The following CCDC66 variants were observed in gnomAD, a reference collection of about 807,000 sequenced individuals.
The protein encoded by CCDC66 is coiled-coil domain containing 66, also known as coiled-coil domain-containing protein 66.
A neutral mutation model predicts 128.3 loss-of-function variants in CCDC66; 133 were observed. The ratio of observed to expected loss-of-function variants is 1.04; its 90% CI spans 0.90 to 1.20. CCDC66 has a LOEUF of 1.20. Ranked by LOEUF, CCDC66 falls within the 50% of genes most tolerant of loss-of-function variation. CCDC66 has a pLI of 0.00. For synonymous variants in CCDC66, 387 were observed against 357.0 expected (o/e 1.08, Z -0.95); for missense variants, 1,126 against 1,075.5 (o/e 1.05, Z -0.66).
chr3:56,563,609 A>G, intron 3 of CCDC66, 75 bp from the exon 4 acceptor site: 2 of 1,220,828 alleles, frequency 1.6e-6, no homozygotes, highest in South Asian at 3.2e-5. Flanking sequence ...GGACTGATTT[A>G]TCACAGATCA....
intron 7 of CCDC66, chr3:56,572,574 A>G (rs201176465): frequency 9.5e-5 from 2 of 21,062 alleles, no homozygotes; most frequent in Non-Finnish European, 3.5e-4. Flanking sequence ...TTCATTTGCT[A>G]TCCCTTCCTC....
chr3:56,609,117 G>C (rs1011017940), intron 10 of CCDC66, among the ~76,000 whole-genome samples: 5 of 152,086 alleles, frequency 3.3e-5, no homozygotes, highest in Non-Finnish European at 5.9e-5. Flanking sequence ...ATATCTGTTA[G>C]GTCCATTTGT....
In CCDC66 at chr3:56,563,798, G is replaced by A. The variant is rs2065438963; in HGVS notation, c.217G>A (p.Val73Ile). The A allele has an allele frequency of 1.3e-6, 2 of 1,552,768 alleles. No homozygotes were observed. Among genetic ancestry groups the A allele is most frequent in the Middle Eastern group, 1.7e-4 (1 of 5,990 alleles). Reference sequence around the variant, plus strand: ...TGAAAAACTTTTGCAAAAGAAGCCAGTTGGTTCAGAAACATCACAGGCAAA... The same window carrying A: ...TGAAAAACTTTTGCAAAAGAAGCCAATTGGTTCAGAAACATCACAGGCAAA... ...GSEKLLQKKP[V>I]GSETSQAKGE... The change falls in exon 4 of 18, where the codon GTT becomes ATT. Residue 73 changes from valine to isoleucine, a missense_variant. Coordinates refer to ENST00000394672, the MANE Select transcript of CCDC66 (RefSeq NM_001141947.3).
In CCDC66 at chr3:56,563,942, A is replaced by G. The variant is rs549563140; in HGVS notation, c.361A>G (p.Thr121Ala). 25 of 1,613,960 alleles carry G rather than the reference A, an allele frequency of 1.5e-5. No individual in the cohort carries two copies. In the East Asian group the frequency reaches 5.4e-4, roughly 35 times the overall value. The change falls in exon 4 of 18, where the codon ACT (threonine) becomes GCT (alanine). Residue 121 changes from threonine (T) to alanine (A), a missense_variant. Thr to Ala is a moderately conservative substitution (Grantham distance 58). Transcript: ENST00000394672. ...ISPATPNMQK[T>A]RNTVNTSLVG... ...ACCTGCAACCCCTAATATGCAGAAGACTAGAAACACCGTAAATACATCTCT... is the reference window on the plus strand; with the variant it reads ...ACCTGCAACCCCTAATATGCAGAAGGCTAGAAACACCGTAAATACATCTCT...
chr3:56,609,664 T>A (rs2074534357), intron 10 of CCDC66, among the ~76,000 whole-genome samples: 1 of 152,244 alleles, frequency 6.6e-6, no homozygotes, highest in African/African-American at 2.4e-5. Context: ...GTTTTTTAAC[T>A]TGTATTTTTG....
chr3:56,614,379 C>G (rs1424034095), intron 11 of CCDC66, among the ~76,000 whole-genome samples: 1 of 151,998 alleles, frequency 6.6e-6, no homozygotes, highest in Non-Finnish European at 1.5e-5. Flanking sequence ...AATAATTATT[C>G]TAGGTATGTT....
At chr3:56,589,262 G>A (rs1006128780) in intron 7 of CCDC66, among the ~76,000 whole-genome samples, 3 of 152,116 alleles carry the variant, frequency 2.0e-5, no homozygotes, top group Non-Finnish European at 2.9e-5. Context: ...CAGTAAATCA[G>A]AATGGTACTA....
chr3:56,612,893 T>C (rs1264318398), intron 10 of CCDC66, among the ~76,000 whole-genome samples: 2 of 152,156 alleles, frequency 1.3e-5, no homozygotes, highest in Non-Finnish European at 2.9e-5. Flanking sequence ...TTGTGTGCAG[T>C]GCTGGCTGTT....
chr3:56,582,845 T>TTTG (rs1339109704), intron 7 of CCDC66, among the ~76,000 whole-genome samples: 31 of 127,880 alleles, frequency 2.4e-4, no homozygotes, highest in Non-Finnish European at 4.4e-4. Flanking sequence ...ACTTCTCAAC[T>TTTG]TTCTTTATTA....
At chr3:56,600,136 C>T (rs2072887543) in intron 10 of CCDC66, among the ~76,000 whole-genome samples, 1 of 144,030 alleles carries the variant, frequency 6.9e-6, no homozygotes, top group South Asian at 2.2e-4. Flanking sequence ...AATAAACATA[C>T]ATGTGCACTT....
chr3:56,573,806 C>CA (rs1367994433), intron 7 of CCDC66, among the ~76,000 whole-genome samples: 1 of 145,434 alleles, frequency 6.9e-6, no homozygotes, highest in Admixed American at 7.5e-5. Flanking sequence ...GCCAAGAACT[C>CA]AGTTTTCAAG....
intron 6 of CCDC66, among the ~76,000 whole-genome samples, chr3:56,570,977 C>G (rs2066537017): frequency 6.6e-6 from 1 of 152,160 alleles, no homozygotes; most frequent in South Asian, 2.1e-4. Context: ...TAAAATTGTA[C>G]CATACTTAAC....
Position 56,619,788 on chromosome 3 carries a change from A to T in CCDC66, c.2647A>T (p.Lys883Ter), listed in dbSNP as rs1166068613. 3.7e-6 allele frequency: 6 copies of T among 1,614,008 alleles called. No homozygotes were observed. The highest frequency in any genetic ancestry group is 2.2e-5 in the East Asian group (1 of 44,878). The change falls in exon 17 of 18, where the codon AAA becomes TAA. Residue 883 changes from lysine (K) to a stop codon, truncating the protein, a stop_gained. Transcript: ENST00000394672. LOFTEE classifies it high-confidence loss of function. ...TCATCTGGCTTTAGACTGTGGCCAA[A>T]AACGACAGCTATTTGATTCTGACTG... ...QYQNSQDCGQ[K>*]RQLFDSDCVR... is the part of the protein sequence containing the mutation.
At position 56,621,523 on chromosome 3, in the gene CCDC66, T is replaced by G. The variant is rs761510640; in HGVS notation, c.2761-9T>G. On this transcript the variant is annotated splice_polypyrimidine_tract_variant and intron_variant, in intron 17 of 17. Coordinates refer to ENST00000394672, the MANE Select transcript of CCDC66 (RefSeq NM_001141947.3). The stretch of plus-strand genomic sequence containing the variant: ...TTTTACTAACAAACATATATCAATG[T>G]GATTTCAGGGCCTTCTCCAGAAGCA... The G allele has an allele frequency of 5.1e-6, 8 of 1,568,986 alleles. No homozygotes were observed. Among genetic ancestry groups the G allele is most frequent in the Non-Finnish European group, 6.9e-6 (8 of 1,155,924 alleles).
At chr3:56,590,560 C>T (rs1196073923) in intron 7 of CCDC66, among the ~76,000 whole-genome samples, 1 of 151,892 alleles carries the variant, frequency 6.6e-6, no homozygotes, top group East Asian at 1.9e-4. Flanking sequence ...GAGTTCAAGG[C>T]CATCCTGGGC....
chr3:56,571,361 A>G, intron 7 of CCDC66, 59 bp downstream of exon 7: 1 of 1,163,070 alleles, frequency 8.6e-7, no homozygotes, highest in Non-Finnish European at 1.2e-6. Context: ...TATAGAATTT[A>G]TTTTTAAAGC....
chr3:56,576,139 ATAT>A (rs2067330041), intron 7 of CCDC66, among the ~76,000 whole-genome samples: 2 of 151,638 alleles, frequency 1.3e-5, no homozygotes, highest in South Asian at 4.2e-4. Flanking sequence ...TATCTCAATA[ATAT>A]TAAGTCTTCC....
Position 56,597,777 on chromosome 3 carries a change from G to GTTTTTTTTTTTTTTTTTTTTTTTT in CCDC66, c.1404+3764_1404+3765insTTTTTTTTTTTTTTTTTTTTTTTT. Among the ~76,000 whole-genome samples, 212 of 87,942 alleles carry GTTTTTTTTTTTTTTTTTTTTTTTT rather than the reference G, an allele frequency of 2.4e-3. 23 individuals are homozygous for GTTTTTTTTTTTTTTTTTTTTTTTT. The highest frequency in any genetic ancestry group is 4.3e-3 in the Admixed American group (25 of 5,880). The allele number at this position is 87,942 out of a possible 152,430, so 57.7% of individuals were successfully genotyped here. On this transcript the variant is annotated intron_variant, in intron 10 of 17. Coordinates refer to ENST00000394672, the MANE Select transcript of CCDC66 (RefSeq NM_001141947.3). ...TGTGGAGTCTAGGTTTTGTTTTGGG[G>GTTTTTTTTTTTTTTTTTTTTTTTT]TTTTTTTTTTTTTTTGAGACAGAGC...
chr3:56,590,802 A>G lies in CCDC66; in HGVS notation c.937-2168A>G, dbSNP rs187702838. On this transcript the variant is annotated intron_variant, in intron 7 of 17. Coordinates refer to ENST00000394672, the MANE Select transcript of CCDC66 (RefSeq NM_001141947.3). ...GAATAGGCTCCAAACACGTTTAGGAAACCAGTTTTTATGTAGGGGAAGTCT... is the reference window on the plus strand; with the variant it reads ...GAATAGGCTCCAAACACGTTTAGGAGACCAGTTTTTATGTAGGGGAAGTCT... Among the ~76,000 whole-genome samples the G allele has an allele frequency of 3.3e-5, 5 of 152,284 alleles. No individual in the cohort carries two copies. The East Asian group carries it at 9.6e-4, about 29-fold the overall frequency.
Sources: gnomAD v4.1 joint callset for allele counts (sites outside exome capture counted in the v4.1 genomes callset) on GRCh38, gnomAD v4.1.1 for gene constraint, MANE v1.5 for transcripts, NCBI Gene and HGNC (gene_info 2026-07-23, HGNC 2026-07-21) for gene names.